Variants in MGMT observed in about 807,000 individuals in gnomAD.
MGMT encodes the protein methylated-DNA--protein-cysteine methyltransferase.
A neutral mutation model predicts 15.9 loss-of-function variants in MGMT; 14 were observed. That is an observed-to-expected ratio of 0.88 (90% confidence interval 0.58 to 1.37). The LOEUF is 1.37. MGMT is among the 40% of genes most tolerant of loss of function. The pLI, the probability that MGMT is intolerant of heterozygous loss-of-function variation, is 0.00. For missense variants in MGMT, 282 were observed against 268.1 expected, an observed-to-expected ratio of 1.05 and a Z score of -0.36; for synonymous variants, 130 against 118.2, an observed-to-expected ratio of 1.10 and a Z score of -0.65.
intron 3 of MGMT, among the ~76,000 whole-genome samples, chr10:129,752,348 T>C (rs886774780): frequency 6.6e-6 from 1 of 152,048 alleles, no homozygotes; most frequent in Non-Finnish European, 1.5e-5. Context: ...TCCGTTTACT[T>C]TTAACCTACC....
chr10:129,569,963 ATTGC>A (rs1564855639), intron 2 of MGMT, among the ~76,000 whole-genome samples: 1 of 152,208 alleles, frequency 6.6e-6, no homozygotes, highest in Non-Finnish European at 1.5e-5. Context: ...CCGCCTGAAC[ATTGC>A]TTGCCCTCCA....
At chr10:129,663,540 A>AT (rs1322848742) in intron 2 of MGMT, among the ~76,000 whole-genome samples, 2 of 152,194 alleles carry the variant, frequency 1.3e-5, no homozygotes, top group African/African-American at 4.8e-5. Flanking sequence ...AGTAAATCAA[A>AT]TTCTAGGTCC....
intron 2 of MGMT, among the ~76,000 whole-genome samples, chr10:129,582,060 G>A (rs908748684): frequency 3.9e-5 from 6 of 152,168 alleles, no homozygotes; most frequent in Non-Finnish European, 8.8e-5. Flanking sequence ...GTGGTGGTGA[G>A]GGGGTGAATT....
chr10:129,616,999 A>C (rs746772743), intron 2 of MGMT, among the ~76,000 whole-genome samples: 34 of 152,202 alleles, frequency 2.2e-4, no homozygotes, highest in Non-Finnish European at 3.7e-4. Context: ...TCAGGGGTAC[A>C]TGTGCATGTT....
chr10:129,569,463 C>G (rs1049444288), intron 2 of MGMT, among the ~76,000 whole-genome samples: 1 of 152,216 alleles, frequency 6.6e-6, no homozygotes, highest in Non-Finnish European at 1.5e-5. Context: ...AGAGACTGGT[C>G]TTCCAGAGGA....
chr10:129,732,825 G>A (rs922212786), intron 3 of MGMT, among the ~76,000 whole-genome samples: 1 of 144,044 alleles, frequency 6.9e-6, no homozygotes, highest in African/African-American at 2.6e-5. Flanking sequence ...TTTTGTTCTT[G>A]CGATAGTTTA....
intron 2 of MGMT, among the ~76,000 whole-genome samples, chr10:129,703,090 A>G (rs1446306974): frequency 6.6e-6 from 1 of 152,212 alleles, no homozygotes; most frequent in African/African-American, 2.4e-5. Context: ...TAAATGTAGT[A>G]TCATAAATCA....
chr10:129,493,419 G>A (rs78258958), intron 1 of MGMT, among the ~76,000 whole-genome samples: 4,797 of 152,150 alleles, frequency 0.032, 118 homozygotes, highest in South Asian at 0.067. Flanking sequence ...GATTCTCTTT[G>A]GATTGCCCCT....
chr10:129,748,830 A>G (rs1848723461), intron 3 of MGMT, among the ~76,000 whole-genome samples: 2 of 152,190 alleles, frequency 1.3e-5, no homozygotes, highest in Admixed American at 1.3e-4. Context: ...ACAATGAGAA[A>G]CCTGGCTCAC....
At chr10:129,730,891 C>T (rs1848488426) in intron 3 of MGMT, among the ~76,000 whole-genome samples, 1 of 152,200 alleles carries the variant, frequency 6.6e-6, no homozygotes, top group Non-Finnish European at 1.5e-5. Context: ...TCTCTGTAGG[C>T]TTCCTTAAGT....
intron 2 of MGMT, among the ~76,000 whole-genome samples, chr10:129,594,009 T>C (rs1241673210): frequency 2.0e-5 from 3 of 152,186 alleles, no homozygotes; most frequent in Admixed American, 6.5e-5. Context: ...TGTGGGGTTT[T>C]ATGAGCTGGA....
chr10:129,611,778 C>T (rs1434716475), intron 2 of MGMT, among the ~76,000 whole-genome samples: 2 of 152,170 alleles, frequency 1.3e-5, no homozygotes. Context: ...GCTTCTCCCT[C>T]GAGAGCAGCG....
intron 2 of MGMT, among the ~76,000 whole-genome samples, chr10:129,554,024 C>T (rs1846186849): frequency 6.6e-6 from 1 of 152,252 alleles, no homozygotes; most frequent in African/African-American, 2.4e-5. Context: ...CAGGAGGGAG[C>T]TGGGCAGCTG....
At chr10:129,543,323 G>A (rs1429847039) in intron 2 of MGMT, among the ~76,000 whole-genome samples, 1 of 152,200 alleles carries the variant, frequency 6.6e-6, no homozygotes, top group African/African-American at 2.4e-5. Context: ...CTTCCAAGTC[G>A]TGAATGATGA....
At chr10:129,679,978 C>T (rs1252014019) in intron 2 of MGMT, among the ~76,000 whole-genome samples, 1 of 152,142 alleles carries the variant, frequency 6.6e-6, no homozygotes, top group Non-Finnish European at 1.5e-5. Context: ...CATTCTGATC[C>T]TAATCCCATA....
intron 2 of MGMT, among the ~76,000 whole-genome samples, chr10:129,687,760 C>T (rs937355670): frequency 2.0e-5 from 3 of 150,356 alleles, no homozygotes; most frequent in Non-Finnish European, 4.4e-5. Flanking sequence ...AGGTTTGTTA[C>T]GTATGTATAC....
In MGMT at chr10:129,499,804, T is replaced by C. The variant is rs1165826125; in HGVS notation, c.-13+32508T>C. Among the ~76,000 whole-genome samples, 6 of 152,240 alleles carry C rather than the reference T, an allele frequency of 3.9e-5. No homozygotes were observed. In the East Asian group the frequency reaches 1.2e-3, roughly 29 times the overall value. ...ACTATGTAGAATCTGATCACGAGACTCCTGCTTCATCACGTTTTTACTCGA... is the reference window on the plus strand; with the variant it reads ...ACTATGTAGAATCTGATCACGAGACCCCTGCTTCATCACGTTTTTACTCGA... On this transcript the variant is annotated intron_variant, in intron 1 of 4. Transcript: ENST00000651593.
rs891565464 is a variant in MGMT at position 129,659,760 on chromosome 10, G to C, written c.126-48135G>C. ...TAGAAAAAGTGTTCTGACATTTATAGACTGACACGAAAACAGAAGTAAAAG... is the reference window on the plus strand; with the variant it reads ...TAGAAAAAGTGTTCTGACATTTATACACTGACACGAAAACAGAAGTAAAAG... On this transcript the variant is annotated intron_variant, in intron 2 of 4. Transcript: ENST00000651593. This position sits in a 1 kb window ranked among gnomAD's most constrained non-coding sequence, Gnocchi z 4.1. Among the ~76,000 whole-genome samples the C allele has an allele frequency of 6.6e-6, 1 of 152,202 alleles. No homozygotes were observed. Among genetic ancestry groups the C allele is most frequent in the Non-Finnish European group, 1.5e-5 (1 of 68,042 alleles).
chr10:129,730,525 G>A (rs889946326), intron 3 of MGMT, among the ~76,000 whole-genome samples: 1 of 152,228 alleles, frequency 6.6e-6, no homozygotes, highest in African/African-American at 2.4e-5. Flanking sequence ...GGAAGGCAGA[G>A]AAAGCCAGTG....
Sources: gnomAD v4.1 joint callset for allele counts (sites outside exome capture counted in the v4.1 genomes callset) on GRCh38, gnomAD v4.1.1 for gene constraint, Gnocchi (gnomAD v3.1) non-coding constraint, MANE v1.5 for transcripts, NCBI Gene and HGNC (gene_info 2026-07-23, HGNC 2026-07-21) for gene names.